The following MARCHF1 variants were observed in gnomAD, a reference collection of about 807,000 sequenced individuals.
MARCHF1 encodes E3 ubiquitin-protein ligase MARCHF1.
Under a neutral mutation model 54.2 loss-of-function variants are expected in MARCHF1, and 40 were observed. That is an observed-to-expected ratio of 0.74 (90% CI 0.57 to 0.96). The LOEUF is 0.96. Among genes scored for constraint, MARCHF1 ranks in the 40% least tolerant of loss-of-function variants. MARCHF1 has a pLI of 0.00. For missense variants in MARCHF1, 586 were observed against 656.5 expected, an observed-to-expected ratio of 0.89 and a Z score of 1.17; for synonymous variants, 236 against 236.3, an observed-to-expected ratio of 1.00 and a Z score of 0.01.
chr4:163,841,420 A>T (rs527826559), intron 4 of MARCHF1, among the ~76,000 whole-genome samples: 1 of 149,340 alleles, frequency 6.7e-6, no homozygotes, highest in African/African-American at 2.5e-5. Context: ...TGCTAAGAAC[A>T]TAAAATTGCT....
intron 1 of MARCHF1, among the ~76,000 whole-genome samples, chr4:164,269,650 T>C (rs368029250): frequency 3.3e-5 from 5 of 152,270 alleles, no homozygotes; most frequent in East Asian, 1.9e-4. Flanking sequence ...TCTTATTTTC[T>C]TGTCTCCAGA....
chr4:164,304,981 C>T (rs1734660258), intron 1 of MARCHF1, among the ~76,000 whole-genome samples: 1 of 152,122 alleles, frequency 6.6e-6, no homozygotes, highest in Non-Finnish European at 1.5e-5. Context: ...ATGTTTTCAT[C>T]AAATAAATTC....
chr4:163,743,696 A>G (rs1445488416), intron 4 of MARCHF1, among the ~76,000 whole-genome samples: 1 of 150,994 alleles, frequency 6.6e-6, no homozygotes, highest in Non-Finnish European at 1.5e-5. Context: ...CTCCTGCCTC[A>G]GCCTCCAGAG....
intron 1 of MARCHF1, among the ~76,000 whole-genome samples, chr4:164,195,086 G>A (rs1398283856): frequency 1.3e-5 from 2 of 151,504 alleles, no homozygotes; most frequent in Admixed American, 1.3e-4. Context: ...CTGCCCTTGT[G>A]TTAGTTTGCT....
rs1553988742 is a variant in MARCHF1 at position 163,527,647 on chromosome 4, T to TAA, written c.*1099_*1100dup. On this transcript the variant is annotated 3_prime_UTR_variant, in exon 10 of 10. Coordinates refer to ENST00000514618, the MANE Select transcript of MARCHF1 (RefSeq NM_001394959.1). Reference sequence around the variant, plus strand: ...ATAACTAACTTTTGTGACTTTGAAATAAAAGAATGAATTAAACTGTTTTGA... The same window carrying TAA: ...ATAACTAACTTTTGTGACTTTGAAATAAAAAAGAATGAATTAAACTGTTTTGA... 2 of 151,912 alleles carry TAA rather than the reference T, an allele frequency of 1.3e-5. No homozygotes were observed. Among genetic ancestry groups the TAA allele is most frequent in the Non-Finnish European group, 2.9e-5 (2 of 67,894 alleles). The allele number at this position is 151,912 out of a possible 1,614,324, so 9.4% of individuals were successfully genotyped here.
chr4:164,343,459 T>A (rs1211787637), intron 1 of MARCHF1, among the ~76,000 whole-genome samples: 1 of 152,098 alleles, frequency 6.6e-6, no homozygotes, highest in East Asian at 1.9e-4. Context: ...ATTTGCAAAC[T>A]ATGCATTCAA....
At chr4:163,941,060 G>A (rs2110750207) in intron 3 of MARCHF1, among the ~76,000 whole-genome samples, 2 of 152,184 alleles carry the variant, frequency 1.3e-5, no homozygotes, top group Admixed American at 1.3e-4. Context: ...GGATTAAATA[G>A]CACCCTGCTT....
intron 5 of MARCHF1, among the ~76,000 whole-genome samples, chr4:163,659,272 T>A (rs531895995): frequency 3.3e-4 from 50 of 152,174 alleles, no homozygotes; most frequent in Middle Eastern, 3.4e-3. Context: ...ATCTGATCTT[T>A]GACAAACCTC....
intron 8 of MARCHF1, among the ~76,000 whole-genome samples, chr4:163,563,591 C>G (rs1016758843): frequency 6.6e-6 from 1 of 152,196 alleles, no homozygotes; most frequent in Non-Finnish European, 1.5e-5. Flanking sequence ...ACTTGGACAT[C>G]ACATTGATTT....
At chr4:164,204,876 A>G (rs1238485641) in intron 1 of MARCHF1, among the ~76,000 whole-genome samples, 1 of 152,222 alleles carries the variant, frequency 6.6e-6, no homozygotes, top group Non-Finnish European at 1.5e-5. Flanking sequence ...ATTTAATTTT[A>G]CAATTACAAC....
chr4:163,670,776 C>T (rs896097940), intron 5 of MARCHF1, among the ~76,000 whole-genome samples: 2 of 152,072 alleles, frequency 1.3e-5, no homozygotes, highest in Non-Finnish European at 2.9e-5. Context: ...TTTTAGGAGC[C>T]GGGAATACAA....
chr4:164,101,509 A>C lies in MARCHF1; in HGVS notation c.-248+10079T>G, dbSNP rs531575667. 6.8e-3 allele frequency among the ~76,000 whole-genome samples: 855 copies of C among 124,992 alleles called. 22 individuals are homozygous for C. The highest frequency in any genetic ancestry group is 0.023 in the African/African-American group (811 of 35,746). The allele number at this position is 124,992 out of a possible 152,430, so 82.0% of individuals were successfully genotyped here. A position where few individuals can be genotyped will look rare whatever the true frequency, so the allele number is the denominator to read the frequency against. ...CACCCCCCAGCAGGGGCACACTGAC[A>C]CCTAACATGGCAGGGTACTCCAACA... is the stretch of plus-strand genomic sequence containing the variant. On this transcript the variant is annotated intron_variant, in intron 2 of 9. Transcript: ENST00000514618.
At chr4:163,728,775 C>A (rs1279394918) in intron 4 of MARCHF1, among the ~76,000 whole-genome samples, 1 of 152,166 alleles carries the variant, frequency 6.6e-6, no homozygotes, top group African/African-American at 2.4e-5. Context: ...GCTTCCCAAT[C>A]AACATAATTT....
intron 4 of MARCHF1, among the ~76,000 whole-genome samples, chr4:163,818,566 T>C (rs566661594): frequency 4.2e-4 from 64 of 152,232 alleles, no homozygotes; most frequent in African/African-American, 1.5e-3. Context: ...AAGCTTATCA[T>C]TCCCACGTTG....
chr4:164,112,957 AATAAG>A (rs1254518574), intron 1 of MARCHF1, among the ~76,000 whole-genome samples: 1 of 138,904 alleles, frequency 7.2e-6, no homozygotes, highest in East Asian at 2.0e-4. Flanking sequence ...AAATTCTGAA[AATAAG>A]ATATTACCAA....
intron 2 of MARCHF1, among the ~76,000 whole-genome samples, chr4:164,105,295 C>G (rs1755666499): frequency 1.8e-5 from 2 of 113,766 alleles, no homozygotes; most frequent in South Asian, 6.5e-4. Flanking sequence ...CAAAAAAGAG[C>G]CTGCATTGCC....
At chr4:164,225,336 AAATTC>A in intron 1 of MARCHF1, among the ~76,000 whole-genome samples, 1 of 152,214 alleles carries the variant, frequency 6.6e-6, no homozygotes, top group East Asian at 1.9e-4. Context: ...ATAATTACAC[AAATTC>A]AAGTAACTCC....
intron 1 of MARCHF1, among the ~76,000 whole-genome samples, chr4:164,319,829 C>A (rs1490596155): frequency 6.6e-6 from 1 of 151,950 alleles, no homozygotes; most frequent in African/African-American, 2.4e-5. Flanking sequence ...AGAATGAGAA[C>A]AGCAAAGCAA....
intron 2 of MARCHF1, among the ~76,000 whole-genome samples, chr4:164,036,355 G>T (rs574446958): frequency 6.6e-6 from 1 of 152,198 alleles, no homozygotes; most frequent in East Asian, 1.9e-4. Context: ...TTGAATGACT[G>T]AAGCAAGCTG....
Sources: gnomAD v4.1 joint callset for allele counts (sites outside exome capture counted in the v4.1 genomes callset) on GRCh38, gnomAD v4.1.1 for gene constraint, MANE v1.5 for transcripts, NCBI Gene and HGNC (gene_info 2026-07-23, HGNC 2026-07-21) for gene names.